Variants in MYT1L observed in about 807,000 individuals in gnomAD.
MYT1L encodes myelin transcription factor 1 like, also known as myelin transcription factor 1-like protein.
MYT1L carries 12 observed loss-of-function variants against 126.7 expected under a neutral mutation model. The observed-to-expected ratio is 0.09, with a 90% CI of 0.06 to 0.15. The LOEUF is 0.15. Ranked by LOEUF, MYT1L falls within the 10% of genes least tolerant of loss-of-function variation. The pLI is 1.00. For missense variants in MYT1L, 979 were observed against 1,585.2 expected (o/e 0.62, Z 6.49); for synonymous variants, 541 against 604.2 (o/e 0.90, Z 1.53).
At chr2:2,170,600 T>G (rs1184588553) in intron 3 of MYT1L, among the ~76,000 whole-genome samples, 1 of 152,246 alleles carries the variant, frequency 6.6e-6, no homozygotes, top group Admixed American at 6.5e-5. Flanking sequence ...TGTATTTTCA[T>G]TAACATAGCA....
chr2:1,832,444 C>G (rs2040318548), intron 21 of MYT1L, among the ~76,000 whole-genome samples: 1 of 152,218 alleles, frequency 6.6e-6, no homozygotes, highest in Admixed American at 6.5e-5. Context: ...TCCTTGTGTT[C>G]CCAACTGCCA....
intron 5 of MYT1L, among the ~76,000 whole-genome samples, chr2:1,994,457 G>C (rs2061678512): frequency 6.6e-6 from 1 of 152,158 alleles, no homozygotes; most frequent in African/African-American, 2.4e-5. Flanking sequence ...AGTCCTCCTG[G>C]GGGCATCTGA....
intron 2 of MYT1L, among the ~76,000 whole-genome samples, chr2:2,282,594 T>C (rs964065253): frequency 1.3e-5 from 2 of 152,214 alleles, no homozygotes; most frequent in Non-Finnish European, 2.9e-5. Context: ...TGTGAATTTA[T>C]CTTAAGAAAA....
rs114937507 is a variant in MYT1L, at chr2:2,310,142, A to G, written c.-521+20825T>C. Among the ~76,000 whole-genome samples, 361 of 151,922 alleles carry G rather than the reference A, an allele frequency of 2.4e-3. 3 individuals are homozygous for G. Among genetic ancestry groups the G allele is most frequent in the African/African-American group, 8.4e-3 (347 of 41,430 alleles). On this transcript the variant is annotated intron_variant, in intron 1 of 24. Coordinates refer to ENST00000647738, the MANE Select transcript of MYT1L (RefSeq NM_001303052.2). ...CTATATTCCACTTACACTTCAGTTTACTTTATCTATACTCCACCTACACTT... is the reference window on the plus strand; with the variant it reads ...CTATATTCCACTTACACTTCAGTTTGCTTTATCTATACTCCACCTACACTT...
chr2:1,867,624 TG>T (rs2045749798), intron 18 of MYT1L, among the ~76,000 whole-genome samples: 1 of 152,124 alleles, frequency 6.6e-6, no homozygotes, highest in African/African-American at 2.4e-5. Context: ...CACAGGTTTC[TG>T]GGGGTGGGGG....
At chr2:2,170,037 G>A (rs1188200679) in intron 3 of MYT1L, among the ~76,000 whole-genome samples, 1 of 152,196 alleles carries the variant, frequency 6.6e-6, no homozygotes, top group Non-Finnish European at 1.5e-5. Context: ...TGGCAACCTT[G>A]CTCTCTTCAT....
chr2:2,031,388 C>T (rs1336311874), intron 4 of MYT1L, among the ~76,000 whole-genome samples: 10 of 152,144 alleles, frequency 6.6e-5, no homozygotes, highest in Non-Finnish European at 1.2e-4. Context: ...GCCTTATACA[C>T]ACCCCTCCCA....
At chr2:2,201,657 C>A (rs1195189064) in intron 2 of MYT1L, among the ~76,000 whole-genome samples, 2 of 150,986 alleles carry the variant, frequency 1.3e-5, no homozygotes, top group Non-Finnish European at 2.9e-5. Flanking sequence ...GAGATTGCAC[C>A]ACTGCACTCC....
In MYT1L at chr2:1,966,302, G is replaced by T. The variant is rs372085347; in HGVS notation, c.152+12863C>A. Reference sequence around the variant, plus strand: ...TTTCTTCCAGAATTTTCTAGCAAAGGCATTGTTAAATATAATGATCACTCC... The same window carrying T: ...TTTCTTCCAGAATTTTCTAGCAAAGTCATTGTTAAATATAATGATCACTCC... On this transcript the variant is annotated intron_variant, in intron 8 of 24. Coordinates refer to ENST00000647738, the MANE Select transcript of MYT1L (RefSeq NM_001303052.2). 5.9e-5 allele frequency among the ~76,000 whole-genome samples: 9 copies of T among 152,180 alleles called. No individual in the cohort carries two copies. The East Asian group carries it at 1.7e-3, about 29-fold the overall frequency.
At chr2:2,286,025 C>T (rs1028637700) in intron 1 of MYT1L, among the ~76,000 whole-genome samples, 1 of 152,136 alleles carries the variant, frequency 6.6e-6, no homozygotes, top group African/African-American at 2.4e-5. Context: ...CTCTGTCACC[C>T]AGGCTGGAGT....
intron 3 of MYT1L, among the ~76,000 whole-genome samples, chr2:2,114,786 G>A (rs762024183): frequency 6.6e-6 from 1 of 152,174 alleles, no homozygotes; most frequent in Non-Finnish European, 1.5e-5. Flanking sequence ...GCAAGGAGTC[G>A]AAGAGATCTT....
At chr2:1,949,801 C>T (rs1449118528) in intron 8 of MYT1L, among the ~76,000 whole-genome samples, 6 of 152,130 alleles carry the variant, frequency 3.9e-5, no homozygotes, top group Admixed American at 6.5e-5. Context: ...GGGCTCGGAA[C>T]GTCAGGGTGA....
In MYT1L at chr2:1,809,422, G is replaced by GA. The variant is rs35794977; in HGVS notation, c.3081-256_3081-255insT. Among the ~76,000 whole-genome samples, 74,439 of 151,958 alleles carry GA rather than the reference G, an allele frequency of 0.49. 18,577 individuals are homozygous for GA. The highest frequency in any genetic ancestry group is 0.61 in the South Asian group (2,922 of 4,820). On this transcript the variant is annotated intron_variant, in intron 21 of 24. Coordinates refer to ENST00000647738, the MANE Select transcript of MYT1L (RefSeq NM_001303052.2). ...CGGCTGGGGCTGCCTCTTGGCGGGG[G>GA]GTCTTGGGAGCTGGGGCTCTGAGAG...
intron 1 of MYT1L, among the ~76,000 whole-genome samples, chr2:2,295,627 C>CAGACAGACAGAGAG (rs2095667777): frequency 2.4e-4 from 3 of 12,502 alleles, no homozygotes; most frequent in Non-Finnish European, 3.8e-4. Flanking sequence ...GAGAGAGAGA[C>CAGACAGACAGAGAG]AGACAGACAG....
At chr2:1,991,531 A>G (rs1038308089) in intron 5 of MYT1L, among the ~76,000 whole-genome samples, 5 of 152,080 alleles carry the variant, frequency 3.3e-5, no homozygotes, top group African/African-American at 1.2e-4. Flanking sequence ...CCTCTGCCTC[A>G]GCCTCCAAAA....
At chr2:2,068,768 T>TC (rs1558911956) in intron 3 of MYT1L, among the ~76,000 whole-genome samples, 17 of 112,548 alleles carry the variant, frequency 1.5e-4, no homozygotes, top group Non-Finnish European at 2.9e-4. Flanking sequence ...GTGTTCTTCT[T>TC]GTTTTTTTTT....
chr2:1,894,307 G>C (rs1010830150), intron 14 of MYT1L, among the ~76,000 whole-genome samples: 2 of 152,128 alleles, frequency 1.3e-5, no homozygotes, highest in African/African-American at 4.8e-5. Context: ...GCCCACACCA[G>C]GGCCTTTGAG....
chr2:2,089,483 A>G (rs2076692210), intron 3 of MYT1L, among the ~76,000 whole-genome samples: 1 of 152,176 alleles, frequency 6.6e-6, no homozygotes, highest in Non-Finnish European at 1.5e-5. Flanking sequence ...AGAAATCTCG[A>G]TAGTGTTTCA....
chr2:1,893,870 G>C lies in MYT1L; in HGVS notation c.2033-1583C>G, dbSNP rs563748485. ...GGACTGAAGGCTCTCAGGACATGGG[G>C]AAGAGGTGTGTTATTGGTGATTCTG... On this transcript the variant is annotated intron_variant, in intron 14 of 24. Transcript: ENST00000647738. 3.9e-4 allele frequency among the ~76,000 whole-genome samples: 60 copies of C among 152,308 alleles called. 1 individual carries two copies. Among genetic ancestry groups the C allele is most frequent in the Non-Finnish European group, 1.0e-4 (7 of 68,026 alleles).
Sources: allele counts gnomAD v4.1 joint callset (sites outside exome capture counted in the v4.1 genomes callset), GRCh38; gene constraint gnomAD v4.1.1; transcripts MANE v1.5; gene names NCBI Gene and HGNC (gene_info 2026-07-23, HGNC 2026-07-21).